CCDC30: variants seen among roughly 807,000 people sequenced by gnomAD.
CCDC30 encodes coiled-coil domain containing 30.
A neutral mutation model predicts 100.2 loss-of-function variants in CCDC30; 70 were observed. The observed-to-expected ratio is 0.70, with a 90% CI of 0.58 to 0.85. The LOEUF is 0.85. Among genes scored for constraint, CCDC30 ranks in the 40% least tolerant of loss-of-function variants. CCDC30 has a pLI of 0.00. For synonymous variants in CCDC30, 233 were observed against 269.5 expected (o/e 0.86, Z 1.33); for missense variants, 652 against 771.2 (o/e 0.85, Z 1.83).
chr1:42,572,542 G>A (rs1271776177), intron 7 of CCDC30, among the ~76,000 whole-genome samples: 2 of 151,738 alleles, frequency 1.3e-5, no homozygotes, highest in Non-Finnish European at 2.9e-5. Flanking sequence ...AGTGATTTTT[G>A]GGGTCTGATT....
intron 1 of CCDC30, among the ~76,000 whole-genome samples, chr1:42,471,208 A>C (rs1196847668): frequency 6.6e-6 from 1 of 152,132 alleles, no homozygotes; most frequent in East Asian, 1.9e-4. Flanking sequence ...GTACCGTCCT[A>C]CTGATCAGCA....
At chr1:42,582,517 A>T (rs1645988599) in intron 9 of CCDC30, among the ~76,000 whole-genome samples, 1 of 152,174 alleles carries the variant, frequency 6.6e-6, no homozygotes, top group African/African-American at 2.4e-5. Context: ...CTTGTTTGAT[A>T]AGGGGAATGA....
At chr1:42,619,466 G>A (rs1279278494) in intron 11 of CCDC30, among the ~76,000 whole-genome samples, 2 of 152,106 alleles carry the variant, frequency 1.3e-5, no homozygotes, top group Non-Finnish European at 2.9e-5. Flanking sequence ...GTGTGTGTGG[G>A]AGAACCACAG....
At chr1:42,559,259 C>A (rs553216901) in intron 6 of CCDC30, among the ~76,000 whole-genome samples, 2 of 152,118 alleles carry the variant, frequency 1.3e-5, no homozygotes, top group African/African-American at 4.8e-5. Context: ...AATCAAATAG[C>A]ATCATGATAA....
intron 11 of CCDC30, among the ~76,000 whole-genome samples, chr1:42,628,581 T>G (rs1646975001): frequency 1.3e-5 from 2 of 152,174 alleles, no homozygotes; most frequent in African/African-American, 4.8e-5. Flanking sequence ...GGGGAGGTAA[T>G]TGAATCATGG....
intron 11 of CCDC30, among the ~76,000 whole-genome samples, chr1:42,632,322 G>A (rs1222498373): frequency 6.6e-6 from 1 of 152,104 alleles, no homozygotes; most frequent in South Asian, 2.1e-4. Flanking sequence ...TGTGGTTGAG[G>A]TGGGCGTGGT....
At chr1:42,560,974 A>C (rs2148557626) in intron 6 of CCDC30, among the ~76,000 whole-genome samples, 1 of 152,348 alleles carries the variant, frequency 6.6e-6, no homozygotes, top group South Asian at 2.1e-4. Flanking sequence ...ATAGCCTACC[A>C]ACCAAAAAGA....
intron 10 of CCDC30, among the ~76,000 whole-genome samples, chr1:42,609,942 A>G (rs1646585058): frequency 6.6e-6 from 1 of 152,232 alleles, no homozygotes; most frequent in African/African-American, 2.4e-5. Flanking sequence ...TCCACTTGAT[A>G]TTTGGGATTT....
chr1:42,648,439 G>A (rs186203384), intron 15 of CCDC30, among the ~76,000 whole-genome samples: 149 of 152,262 alleles, frequency 9.8e-4, no homozygotes, highest in African/African-American at 3.3e-3. Context: ...GGGAGGCCAA[G>A]GCAGGCGGAT....
At chr1:42,645,533 T>C (rs1647811930) in intron 14 of CCDC30, among the ~76,000 whole-genome samples, 1 of 152,200 alleles carries the variant, frequency 6.6e-6, no homozygotes, top group African/African-American at 2.4e-5. Flanking sequence ...GATTACTTTC[T>C]TCTCTGGTTT....
rs552097441 is a variant in CCDC30 at position 42,482,138 on chromosome 1, A to C, written c.16-525A>C. 1.7e-4 allele frequency among the ~76,000 whole-genome samples: 26 copies of C among 151,948 alleles called. No individual in the cohort carries two copies. The South Asian group carries it at 5.2e-3, about 30-fold the overall frequency. ...GAGTCTGAGGCAGGAGAATCGCTTGAACCTGGGAGGCGGAGGTTGCAGTTG... is the reference window on the plus strand; with the variant it reads ...GAGTCTGAGGCAGGAGAATCGCTTGCACCTGGGAGGCGGAGGTTGCAGTTG... On this transcript the variant is annotated intron_variant, in intron 2 of 16. Transcript: ENST00000668663.
intron 10 of CCDC30, among the ~76,000 whole-genome samples, chr1:42,602,665 A>C (rs1453096181): frequency 1.3e-5 from 2 of 152,242 alleles, no homozygotes; most frequent in Non-Finnish European, 2.9e-5. Context: ...CTTCTAAAAC[A>C]GAAAGCACCA....
chr1:42,546,966 A>G (rs1245274655), intron 6 of CCDC30, among the ~76,000 whole-genome samples: 1 of 152,206 alleles, frequency 6.6e-6, no homozygotes, highest in East Asian at 1.9e-4. Context: ...AAGTGAGAAA[A>G]TATAGTCTAG....
downstream of CCDC30, chr1:42,654,723 T>A (rs1648606821): frequency 6.6e-6 from 1 of 150,716 alleles, no homozygotes; most frequent in Non-Finnish European, 1.5e-5. Flanking sequence ...TTTTTTTTTT[T>A]TTTTTGAGAC....
At chr1:42,655,350 T>C (rs1300907779), downstream of CCDC30, among the ~76,000 whole-genome samples, 1 of 152,012 alleles carries the variant, frequency 6.6e-6, no homozygotes, top group Non-Finnish European at 1.5e-5. Context: ...GAGACCAGCT[T>C]GGCCAACTTA....
At chr1:42,559,275 T>C (rs892314743) in intron 6 of CCDC30, among the ~76,000 whole-genome samples, 1 of 152,154 alleles carries the variant, frequency 6.6e-6, no homozygotes, top group African/African-American at 2.4e-5. Context: ...GATAACAGGA[T>C]AAGATTCACA....
chr1:42,537,090 A>G (rs1055645945), intron 6 of CCDC30: 4 of 423,866 alleles, frequency 9.4e-6, no homozygotes, highest in South Asian at 5.2e-5. Flanking sequence ...ACGTGTTTCT[A>G]TAATAATAAT....
intron 11 of CCDC30, among the ~76,000 whole-genome samples, chr1:42,634,083 C>T (rs984532442): frequency 3.9e-5 from 6 of 152,006 alleles, no homozygotes; most frequent in Non-Finnish European, 7.4e-5. Context: ...TATCACCTCC[C>T]GTCCATGATA....
At chr1:42,566,583 G>A in intron 7 of CCDC30, 108 bp downstream of exon 11, 1 of 881,300 alleles carries the variant, frequency 1.1e-6, no homozygotes, top group Admixed American at 2.5e-5. Context: ...ACAAATATGT[G>A]GACAATGTGA....
Sources: gnomAD v4.1 joint callset for allele counts (sites outside exome capture counted in the v4.1 genomes callset) on GRCh38, gnomAD v4.1.1 for gene constraint, MANE v1.5 for transcripts, NCBI Gene and HGNC (gene_info 2026-07-23, HGNC 2026-07-21) for gene names.